ARHGAP20: variants seen among roughly 807,000 people sequenced by gnomAD.
ARHGAP20 encodes Rho GTPase activating protein 20.
ARHGAP20 carries 34 observed loss-of-function variants against 73.7 expected under a neutral mutation model. That is an observed-to-expected ratio of 0.46 (90% confidence interval 0.35 to 0.61). The LOEUF is 0.61. Among genes scored for constraint, ARHGAP20 ranks in the 20% least tolerant of loss-of-function variants. ARHGAP20 has a pLI of 0.00. For missense variants in ARHGAP20, 1,314 were observed against 1,420.9 expected, an observed-to-expected ratio of 0.92 and a Z score of 1.21; for synonymous variants, 523 against 518.2, an observed-to-expected ratio of 1.01 and a Z score of -0.13.
At chr11:110,605,150 GA>G (rs1476967387) in intron 9 of ARHGAP20, among the ~76,000 whole-genome samples, 1 of 152,152 alleles carries the variant, frequency 6.6e-6, no homozygotes, top group Non-Finnish European at 1.5e-5. Flanking sequence ...GATAACCATG[GA>G]ATTCAAGTTG....
intron 6 of ARHGAP20, among the ~76,000 whole-genome samples, chr11:110,614,055 T>C (rs1948430111): frequency 6.6e-6 from 1 of 152,160 alleles, no homozygotes; most frequent in Non-Finnish European, 1.5e-5. Flanking sequence ...CTTAAAAATG[T>C]CACCTCTCCT....
At chr11:110,587,653 T>C (rs1195748807) in intron 11 of ARHGAP20, among the ~76,000 whole-genome samples, 1 of 152,202 alleles carries the variant, frequency 6.6e-6, no homozygotes, top group Non-Finnish European at 1.5e-5. Flanking sequence ...TGCTGCTAAA[T>C]TGCATATGGC....
rs183095127 is a variant in ARHGAP20, at chr11:110,625,470, G to C, written c.354-1159C>G. On this transcript the variant is annotated intron_variant, in intron 3 of 14. Coordinates refer to ENST00000683387, the MANE Select transcript of ARHGAP20 (RefSeq NM_001384657.1). The stretch of plus-strand genomic sequence containing the variant: ...AGATTTTCTAGCCTTTAGAAGCATA[G>C]GTTATTTTAAATTTCATTTCTTAGA... 3.0e-4 allele frequency among the ~76,000 whole-genome samples: 46 copies of C among 152,136 alleles called. No homozygotes were observed. The East Asian group carries it at 8.5e-3, about 28-fold the overall frequency.
intron 2 of ARHGAP20, among the ~76,000 whole-genome samples, chr11:110,636,607 TA>T (rs1294862046): frequency 6.6e-6 from 1 of 152,096 alleles, no homozygotes; most frequent in African/African-American, 2.4e-5. Flanking sequence ...GCTGTCATTT[TA>T]AAAACCTATA....
chr11:110,696,524 T>C (rs892221707), intron 1 of ARHGAP20, among the ~76,000 whole-genome samples: 1 of 151,674 alleles, frequency 6.6e-6, no homozygotes, highest in African/African-American at 2.4e-5. Flanking sequence ...TCTTCAGAGA[T>C]CTGAGGAATT....
At chr11:110,617,767 A>G (rs897661840) in intron 4 of ARHGAP20, among the ~76,000 whole-genome samples, 4 of 152,190 alleles carry the variant, frequency 2.6e-5, no homozygotes, top group African/African-American at 9.7e-5. Context: ...TACAGGACTA[A>G]AAATAGAAGT....
intron 2 of ARHGAP20, among the ~76,000 whole-genome samples, chr11:110,676,979 T>C (rs1384554230): frequency 1.3e-5 from 2 of 152,146 alleles, no homozygotes. Flanking sequence ...GGATTCAATG[T>C]ATAGAAATTA....
chr11:110,670,519 A>G (rs913107175), intron 2 of ARHGAP20, among the ~76,000 whole-genome samples: 2 of 152,132 alleles, frequency 1.3e-5, no homozygotes, highest in Admixed American at 6.6e-5. Context: ...CTGACTCAAG[A>G]AGAAACTGAA....
chr11:110,581,396 G>C (rs1176099966), intron 14 of ARHGAP20, among the ~76,000 whole-genome samples, 171 bp from the exon 15 acceptor site: 1 of 152,066 alleles, frequency 6.6e-6, no homozygotes, highest in Admixed American at 6.5e-5. Context: ...AAATTGCTGG[G>C]GTATAGGAGA....
intron 6 of ARHGAP20, 110 bp downstream of exon 6, chr11:110,614,450 TA>T: frequency 1.1e-6 from 1 of 893,320 alleles, no homozygotes; most frequent in South Asian, 1.6e-5. Flanking sequence ...CTACCTTCCA[TA>T]GCACATACAC....
intron 2 of ARHGAP20, among the ~76,000 whole-genome samples, chr11:110,674,708 G>A (rs1285396326): frequency 6.6e-6 from 1 of 151,966 alleles, no homozygotes; most frequent in Non-Finnish European, 1.5e-5. Flanking sequence ...CAAGCATTTT[G>A]GACAAGGGAT....
chr11:110,696,858 T>C (rs561380970), intron 1 of ARHGAP20, among the ~76,000 whole-genome samples: 2 of 151,848 alleles, frequency 1.3e-5, no homozygotes, highest in South Asian at 2.1e-4. Flanking sequence ...TCATTTAGGA[T>C]AATGGCCTCT....
chr11:110,645,384 T>A (rs1449291768), intron 2 of ARHGAP20, among the ~76,000 whole-genome samples: 1 of 152,058 alleles, frequency 6.6e-6, no homozygotes, highest in African/African-American at 2.4e-5. Flanking sequence ...CATCACTACT[T>A]GTCAGAGACA....
intron 3 of ARHGAP20, among the ~76,000 whole-genome samples, chr11:110,629,410 A>G (rs1948815151): frequency 6.6e-6 from 1 of 152,230 alleles, no homozygotes; most frequent in South Asian, 2.1e-4. Flanking sequence ...AACTCATCCA[A>G]TAATTTTTAA....
chr11:110,601,187 G>A (rs1349384012), intron 9 of ARHGAP20, among the ~76,000 whole-genome samples: 1 of 152,172 alleles, frequency 6.6e-6, no homozygotes, highest in Non-Finnish European at 1.5e-5. Flanking sequence ...AAGAATTTAT[G>A]AATTCTGTGC....
At chr11:110,698,219 C>T (rs1950375134) in intron 1 of ARHGAP20, among the ~76,000 whole-genome samples, 1 of 151,766 alleles carries the variant, frequency 6.6e-6, no homozygotes, top group African/African-American at 2.4e-5. Context: ...TGGTAAAACA[C>T]ACTTATTGAT....
chr11:110,591,861 C>G, intron 10 of ARHGAP20, 116 bp downstream of exon 10: 6 of 1,088,954 alleles, frequency 5.5e-6, no homozygotes, highest in Non-Finnish European at 7.8e-6. Context: ...AGTGAAGATT[C>G]TTAGCCAAAG....
At chr11:110,592,958 A>G (rs1358057407) in intron 9 of ARHGAP20, among the ~76,000 whole-genome samples, 1 of 152,212 alleles carries the variant, frequency 6.6e-6, no homozygotes, top group Non-Finnish European at 1.5e-5. Flanking sequence ...GGAGAAAAGC[A>G]AGTATGTTAA....
intron 1 of ARHGAP20, among the ~76,000 whole-genome samples, chr11:110,691,505 C>T (rs1177805162): frequency 6.6e-6 from 1 of 152,118 alleles, no homozygotes; most frequent in Non-Finnish European, 1.5e-5. Context: ...ACCTCTAGGC[C>T]AGTCATGCTT....
Sources: allele counts gnomAD v4.1 joint callset (sites outside exome capture counted in the v4.1 genomes callset), GRCh38; gene constraint gnomAD v4.1.1; transcripts MANE v1.5; gene names NCBI Gene and HGNC (gene_info 2026-07-23, HGNC 2026-07-21).